HS3ST4: variants seen among roughly 807,000 people sequenced by gnomAD.
HS3ST4 encodes heparan sulfate glucosamine 3-O-sulfotransferase 4.
Under a neutral mutation model 29.2 loss-of-function variants are expected in HS3ST4, and 17 were observed. The observed-to-expected ratio is 0.58, with a 90% CI of 0.40 to 0.87. HS3ST4 has a LOEUF of 0.87. HS3ST4 is among the 40% of genes least tolerant of loss of function. The pLI is 0.00. For synonymous variants in HS3ST4, 314 were observed against 285.7 expected, an observed-to-expected ratio of 1.10 and a Z score of -1.00; for missense variants, 627 against 634.5, an observed-to-expected ratio of 0.99 and a Z score of 0.13.
intron 1 of HS3ST4, among the ~76,000 whole-genome samples, chr16:26,123,073 G>A (rs1899298100): frequency 6.6e-6 from 1 of 151,258 alleles, no homozygotes; most frequent in Non-Finnish European, 1.5e-5. Context: ...AAAAACCGGG[G>A]GCTTGAACAG....
At chr16:25,980,466 A>G (rs1209516582) in intron 1 of HS3ST4, among the ~76,000 whole-genome samples, 2 of 152,112 alleles carry the variant, frequency 1.3e-5, no homozygotes, top group Non-Finnish European at 2.9e-5. Context: ...CCCTGACCAC[A>G]GCGTTTATCA....
intron 1 of HS3ST4, among the ~76,000 whole-genome samples, chr16:26,101,771 A>T (rs1898992686): frequency 6.6e-6 from 1 of 152,214 alleles, no homozygotes; most frequent in Non-Finnish European, 1.5e-5. Context: ...AGATGGATGG[A>T]TGAATCACTT....
intron 1 of HS3ST4, among the ~76,000 whole-genome samples, chr16:25,816,920 T>C (rs1596579845): frequency 6.6e-6 from 1 of 152,158 alleles, no homozygotes; most frequent in African/African-American, 2.4e-5. Context: ...AGATAACCCA[T>C]TAATCCATTA....
At chr16:25,814,346 T>G (rs1054344522) in intron 1 of HS3ST4, among the ~76,000 whole-genome samples, 22 of 152,036 alleles carry the variant, frequency 1.4e-4, no homozygotes, top group African/African-American at 5.3e-4. Flanking sequence ...GTTTTGTTTT[T>G]TTTTGGCGGG....
chr16:25,735,276 T>C (rs1304175929), intron 1 of HS3ST4, among the ~76,000 whole-genome samples: 2 of 152,230 alleles, frequency 1.3e-5, no homozygotes, highest in Non-Finnish European at 2.9e-5. Flanking sequence ...AATTCTAGCA[T>C]CATCCAGAAG....
chr16:26,039,024 G>A (rs781139934), intron 1 of HS3ST4, among the ~76,000 whole-genome samples: 4 of 152,066 alleles, frequency 2.6e-5, no homozygotes, highest in African/African-American at 2.4e-5. Flanking sequence ...GCCTGATCTC[G>A]GTGACATCAG....
At chr16:25,922,270 G>C (rs1306184447) in intron 1 of HS3ST4, among the ~76,000 whole-genome samples, 1 of 152,170 alleles carries the variant, frequency 6.6e-6, no homozygotes, top group Non-Finnish European at 1.5e-5. Flanking sequence ...GGTAGTTGAT[G>C]AAGGCTCATA....
intron 1 of HS3ST4, among the ~76,000 whole-genome samples, chr16:25,787,924 T>C (rs1199620915): frequency 1.3e-5 from 2 of 152,190 alleles, no homozygotes; most frequent in Non-Finnish European, 2.9e-5. Flanking sequence ...TAATGCATGC[T>C]TAGTTGGCAA....
chr16:26,024,883 T>A (rs1969451747), intron 1 of HS3ST4, among the ~76,000 whole-genome samples: 1 of 152,154 alleles, frequency 6.6e-6, no homozygotes, highest in Admixed American at 6.5e-5. Flanking sequence ...GCTAGGTGAG[T>A]AAACCAAAAG....
chr16:25,879,245 G>T (rs1241695519), intron 1 of HS3ST4, among the ~76,000 whole-genome samples: 1 of 152,130 alleles, frequency 6.6e-6, no homozygotes, highest in African/African-American at 2.4e-5. Flanking sequence ...CCTTTACTGA[G>T]CAATTGCTTT....
chr16:25,693,294 G>A (rs1966270960), intron 1 of HS3ST4, 143 bp downstream of exon 1: 4 of 884,846 alleles, frequency 4.5e-6, no homozygotes, highest in African/African-American at 1.8e-5. Context: ...CCCTGGCGGC[G>A]TTGCTCAGGG....
intron 1 of HS3ST4, among the ~76,000 whole-genome samples, chr16:25,740,522 T>G (rs543356851): frequency 6.6e-6 from 1 of 152,280 alleles, no homozygotes; most frequent in Admixed American, 6.5e-5. Context: ...GTGAGACGAG[T>G]AGAAGGACAG....
intron 1 of HS3ST4, among the ~76,000 whole-genome samples, chr16:25,828,318 CTCTCTCTCTCTCTCTCTCTCTT>C (rs1967255553): frequency 8.0e-6 from 1 of 125,678 alleles, no homozygotes; most frequent in African/African-American, 3.3e-5. Context: ...CTCTCTCTCT[CTCTCTCTCTCTCTCTCTCTCTT>C]TCTCCCTTTC....
At chr16:25,938,300 A>G (rs1201971410) in intron 1 of HS3ST4, among the ~76,000 whole-genome samples, 1 of 152,206 alleles carries the variant, frequency 6.6e-6, no homozygotes, top group African/African-American at 2.4e-5. Context: ...ACCTCAGGCC[A>G]TAATAATTTG....
rs1898297597 is a variant in HS3ST4, at chr16:26,137,329, A to G, written c.*1081A>G. ...CAGCATTCTTCCAATTTGCCCCACC[A>G]CCACCTCCTCGGGCTTCATTTTCTC... is the stretch of plus-strand genomic sequence containing the variant. On this transcript the variant is annotated 3_prime_UTR_variant, in exon 2 of 2. Transcript: ENST00000331351. 1 of 152,048 alleles carries G rather than the reference A, an allele frequency of 6.6e-6. No homozygotes were observed. The highest frequency in any genetic ancestry group is 6.6e-5 in the Admixed American group (1 of 15,260). 9.4% of individuals were successfully genotyped at this position (152,048 alleles called of 1,614,324 possible).
chr16:25,974,286 G>A (rs1421112452), intron 1 of HS3ST4, among the ~76,000 whole-genome samples: 1 of 152,070 alleles, frequency 6.6e-6, no homozygotes, highest in Non-Finnish European at 1.5e-5. Flanking sequence ...GCCCTCCATA[G>A]TCTCCAGGAT....
chr16:26,067,072 G>A (rs1898551416), intron 1 of HS3ST4, among the ~76,000 whole-genome samples: 1 of 152,150 alleles, frequency 6.6e-6, no homozygotes, highest in Non-Finnish European at 1.5e-5. Flanking sequence ...AGGGGATTAA[G>A]CACCATTTTT....
intron 1 of HS3ST4, among the ~76,000 whole-genome samples, chr16:25,848,414 A>G (rs1184986821): frequency 6.6e-6 from 1 of 152,130 alleles, no homozygotes; most frequent in African/African-American, 2.4e-5. Context: ...TGCTGGGATT[A>G]TAGGAGTGAA....
intron 1 of HS3ST4, among the ~76,000 whole-genome samples, chr16:25,877,377 A>G (rs1255274938): frequency 6.6e-6 from 1 of 152,192 alleles, no homozygotes; most frequent in Non-Finnish European, 1.5e-5. Context: ...ACACAGGGAC[A>G]GACACATAGC....
Sources: allele counts gnomAD v4.1 joint callset (sites outside exome capture counted in the v4.1 genomes callset), GRCh38; gene constraint gnomAD v4.1.1; transcripts MANE v1.5; gene names NCBI Gene and HGNC (gene_info 2026-07-23, HGNC 2026-07-21).